Variants in GALNTL6 observed in about 807,000 individuals in gnomAD.
The protein encoded by GALNTL6 is polypeptide N-acetylgalactosaminyltransferase-like 6.
GALNTL6 carries 46 observed loss-of-function variants against 73.7 expected under a neutral mutation model. That is an observed-to-expected ratio of 0.62 (90% CI 0.49 to 0.80). The LOEUF (loss-of-function observed/expected upper bound fraction) is 0.80, where lower values mean the gene tolerates loss of function less well. Ranked by LOEUF, GALNTL6 falls within the 30% of genes least tolerant of loss-of-function variation. The pLI, the probability that GALNTL6 is intolerant of heterozygous loss-of-function variation, is 0.00. For synonymous variants in GALNTL6, 259 were observed against 263.7 expected (o/e 0.98, Z 0.17); for missense variants, 604 against 755.0 (o/e 0.80, Z 2.34).
At chr4:172,650,652 A>G (rs1461710350) in intron 5 of GALNTL6, among the ~76,000 whole-genome samples, 1 of 152,212 alleles carries the variant, frequency 6.6e-6, no homozygotes, top group East Asian at 1.9e-4. Flanking sequence ...ATGAATACAT[A>G]TCTATAATGT....
intron 5 of GALNTL6, among the ~76,000 whole-genome samples, chr4:172,522,595 A>G (rs937789768): frequency 7.3e-5 from 11 of 151,130 alleles, no homozygotes; most frequent in African/African-American, 2.4e-4. Context: ...GCTTGAACCC[A>G]GGAGGCGGAG....
chr4:172,314,711 G>C (rs137953551), intron 4 of GALNTL6, among the ~76,000 whole-genome samples: 2 of 144,594 alleles, frequency 1.4e-5, no homozygotes, highest in Non-Finnish European at 3.0e-5. Context: ...GGGTTCAAGC[G>C]ATTCTCCTGC....
intron 10 of GALNTL6, among the ~76,000 whole-genome samples, chr4:173,005,818 T>G (rs540570793): frequency 5.0e-4 from 76 of 152,354 alleles, no homozygotes; most frequent in African/African-American, 1.8e-3. Context: ...TTTACACAGA[T>G]GTAGACAATT....
chr4:173,039,235 C>T (rs1363359431), intron 12 of GALNTL6, among the ~76,000 whole-genome samples: 1 of 152,176 alleles, frequency 6.6e-6, no homozygotes, highest in Non-Finnish European at 1.5e-5. Context: ...ATGAGAACGG[C>T]AGCACTGGAA....
At chr4:172,777,741 G>T (rs1739149344) in intron 5 of GALNTL6, among the ~76,000 whole-genome samples, 1 of 151,030 alleles carries the variant, frequency 6.6e-6, no homozygotes, top group Admixed American at 6.6e-5. Flanking sequence ...AAGGAGGTGG[G>T]TTTTTTTTTC....
intron 5 of GALNTL6, among the ~76,000 whole-genome samples, chr4:172,752,860 T>C (rs1737507648): frequency 6.6e-6 from 1 of 152,196 alleles, no homozygotes; most frequent in Non-Finnish European, 1.5e-5. Context: ...TTAATTTATT[T>C]TGATAGATAT....
At chr4:172,715,549 T>C (rs1414481573) in intron 5 of GALNTL6, among the ~76,000 whole-genome samples, 1 of 152,222 alleles carries the variant, frequency 6.6e-6, no homozygotes, top group Non-Finnish European at 1.5e-5. Context: ...TTATCACTGC[T>C]AGTATTTATA....
intron 2 of GALNTL6, among the ~76,000 whole-genome samples, chr4:172,032,595 C>T (rs1463136988): frequency 1.3e-5 from 2 of 151,990 alleles, no homozygotes; most frequent in African/African-American, 4.8e-5. Flanking sequence ...AATTTTCTAA[C>T]TCATTCATAT....
At chr4:172,050,217 G>A (rs563351310) in intron 2 of GALNTL6, among the ~76,000 whole-genome samples, 1 of 152,136 alleles carries the variant, frequency 6.6e-6, no homozygotes, top group Non-Finnish European at 1.5e-5. Flanking sequence ...GCAGGAGAAA[G>A]GAAGGCATTT....
At chr4:171,986,775 A>T (rs1202479680) in intron 2 of GALNTL6, among the ~76,000 whole-genome samples, 1 of 152,164 alleles carries the variant, frequency 6.6e-6, no homozygotes, top group African/African-American at 2.4e-5. Context: ...AAAAACAGGT[A>T]TAAAAGGTCT....
intron 5 of GALNTL6, among the ~76,000 whole-genome samples, chr4:172,495,850 G>GA (rs1038317828): frequency 4.6e-5 from 7 of 152,030 alleles, no homozygotes; most frequent in African/African-American, 1.7e-4. Flanking sequence ...AAATCTAAGG[G>GA]AAAAAAATTA....
chr4:172,271,259 A>T (rs1738639658), intron 3 of GALNTL6, among the ~76,000 whole-genome samples: 1 of 152,180 alleles, frequency 6.6e-6, no homozygotes, highest in African/African-American at 2.4e-5. Flanking sequence ...GATTAGAAAT[A>T]TAAAATGTCA....
At chr4:171,924,989 A>G (rs972520803) in intron 2 of GALNTL6, among the ~76,000 whole-genome samples, 21 of 152,202 alleles carry the variant, frequency 1.4e-4, no homozygotes, top group African/African-American at 5.1e-4. Flanking sequence ...CACTTATCCA[A>G]GCCTAGTGGG....
chr4:172,177,791 A>ATATATATACGCACACATATATGTGTGTG (rs1735074792), intron 2 of GALNTL6, among the ~76,000 whole-genome samples: 1 of 101,738 alleles, frequency 9.8e-6, no homozygotes, highest in Non-Finnish European at 2.1e-5. Flanking sequence ...ACACATGTGT[A>ATATATATACGCACACATATATGTGTGTG]TATATATACA....
chr4:172,267,531 C>T (rs914197090), intron 3 of GALNTL6, among the ~76,000 whole-genome samples: 3 of 151,994 alleles, frequency 2.0e-5, no homozygotes, highest in South Asian at 4.2e-4. Flanking sequence ...ATCATGGAAG[C>T]GTCTATTGAT....
intron 5 of GALNTL6, among the ~76,000 whole-genome samples, chr4:172,711,086 C>T (rs1249766630): frequency 1.3e-5 from 2 of 152,070 alleles, no homozygotes; most frequent in Non-Finnish European, 2.9e-5. Context: ...GGGAAGTGTT[C>T]TAGGGCAAAA....
chr4:172,859,667 G>A (rs2111132228), intron 7 of GALNTL6, among the ~76,000 whole-genome samples: 1 of 152,310 alleles, frequency 6.6e-6, no homozygotes, highest in East Asian at 1.9e-4. Context: ...AGCAAAAAAT[G>A]AAGGGCTTAG....
chr4:172,577,567 C>T (rs893125060), intron 5 of GALNTL6, among the ~76,000 whole-genome samples: 10 of 152,112 alleles, frequency 6.6e-5, no homozygotes, highest in Admixed American at 4.6e-4. Flanking sequence ...CTGTATACCA[C>T]CTCAGAGCAC....
chr4:172,756,042 G>A (rs12498866), intron 5 of GALNTL6, among the ~76,000 whole-genome samples: 145,398 of 152,250 alleles, frequency 0.95, 69,775 homozygotes, highest in East Asian at 1. Flanking sequence ...ATGATTATTA[G>A]GCCTTATACT....
Sources: gnomAD v4.1 joint callset for allele counts (sites outside exome capture counted in the v4.1 genomes callset) on GRCh38, gnomAD v4.1.1 for gene constraint, MANE v1.5 for transcripts, NCBI Gene and HGNC (gene_info 2026-07-23, HGNC 2026-07-21) for gene names.